Variants in WWOX observed in about 807,000 individuals in gnomAD.
WWOX encodes WW domain-containing oxidoreductase.
WWOX carries 69 observed loss-of-function variants against 46.2 expected under a neutral mutation model. That is an observed-to-expected ratio of 1.49 (90% CI 1.23 to 1.82). WWOX has a LOEUF of 1.82. Among genes scored for constraint, WWOX ranks in the 40% most tolerant of loss-of-function variants. WWOX has a pLI of 0.00. For synonymous variants in WWOX, 359 were observed against 202.6 expected, an observed-to-expected ratio of 1.77 and a Z score of -6.56; for missense variants, 919 against 542.6, an observed-to-expected ratio of 1.69 and a Z score of -6.89.
intron 5 of WWOX, among the ~76,000 whole-genome samples, chr16:78,386,317 C>T (rs1315488781): frequency 6.6e-6 from 1 of 152,180 alleles, no homozygotes; most frequent in Non-Finnish European, 1.5e-5. Flanking sequence ...TCTGGGTTTA[C>T]TAAGCCAGGG....
chr16:78,343,219 G>C lies in WWOX; in HGVS notation c.517-43641G>C, dbSNP rs555817818. On this transcript the variant is annotated intron_variant, in intron 5 of 8. Coordinates refer to ENST00000566780, the MANE Select transcript of WWOX (RefSeq NM_016373.4). ...CTCAGCAGTGTCCCCGATGTGGAGG[G>C]TCTTCTTATTCTGTGTGTGTGCCCT... 4.2e-4 allele frequency among the ~76,000 whole-genome samples: 50 copies of C among 120,020 alleles called. 14 individuals carry two copies. Among genetic ancestry groups the C allele is most frequent in the Non-Finnish European group, 7.0e-4 (35 of 50,350 alleles). 78.7% of individuals were successfully genotyped at this position (120,020 alleles called of 152,430 possible). A position where few individuals can be genotyped will look rare whatever the true frequency, so the allele number is the denominator to read the frequency against.
At chr16:78,996,585 G>T (rs1224039847) in intron 8 of WWOX, among the ~76,000 whole-genome samples, 1 of 152,006 alleles carries the variant, frequency 6.6e-6, no homozygotes, top group African/African-American at 2.4e-5. Context: ...GTGAGAGATG[G>T]TGGTCAGTTT....
intron 8 of WWOX, among the ~76,000 whole-genome samples, chr16:78,841,753 A>G (rs906573711): frequency 4.6e-5 from 7 of 152,128 alleles, no homozygotes; most frequent in Admixed American, 3.9e-4. Flanking sequence ...AATGTGTACT[A>G]TTTTATTGTC....
intron 8 of WWOX, among the ~76,000 whole-genome samples, chr16:78,980,294 T>G (rs924681676): frequency 6.6e-6 from 1 of 152,218 alleles, no homozygotes; most frequent in Non-Finnish European, 1.5e-5. Context: ...TAAGGTAGTT[T>G]GCCAAAGATG....
At chr16:78,433,404 T>C (rs1235732835) in intron 8 of WWOX, among the ~76,000 whole-genome samples, 5 of 152,230 alleles carry the variant, frequency 3.3e-5, no homozygotes, top group African/African-American at 1.2e-4. Flanking sequence ...CCTTCTTCTA[T>C]GAAATGGTTT....
At chr16:78,395,181 T>A (rs1197173144) in intron 6 of WWOX, among the ~76,000 whole-genome samples, 1 of 152,130 alleles carries the variant, frequency 6.6e-6, no homozygotes, top group Non-Finnish European at 1.5e-5. Flanking sequence ...GAAAAGGGGA[T>A]GTTGTGCTCA....
At chr16:78,403,579 T>C (rs968515332) in intron 6 of WWOX, among the ~76,000 whole-genome samples, 6 of 152,166 alleles carry the variant, frequency 3.9e-5, no homozygotes, top group African/African-American at 1.4e-4. Flanking sequence ...GGTAAAATGC[T>C]TTGAGGGTTG....
chr16:78,788,484 C>G (rs979401204), intron 8 of WWOX, among the ~76,000 whole-genome samples: 1 of 152,176 alleles, frequency 6.6e-6, no homozygotes, highest in African/African-American at 2.4e-5. Flanking sequence ...GAATGCTGAC[C>G]TCATGAAGCT....
At chr16:79,118,953 T>G (rs1283568243) in intron 8 of WWOX, among the ~76,000 whole-genome samples, 1 of 152,226 alleles carries the variant, frequency 6.6e-6, no homozygotes, top group Non-Finnish European at 1.5e-5. Flanking sequence ...TTAAATACTT[T>G]TGGTGTCATA....
intron 8 of WWOX, among the ~76,000 whole-genome samples, chr16:78,960,556 C>G (rs181535558): frequency 6.6e-6 from 1 of 152,322 alleles, no homozygotes; most frequent in East Asian, 1.9e-4. Context: ...CACAAGAGAG[C>G]AGGTATTTAT....
At chr16:79,066,700 G>A (rs767766553) in intron 8 of WWOX, among the ~76,000 whole-genome samples, 2 of 152,214 alleles carry the variant, frequency 1.3e-5, no homozygotes, top group African/African-American at 4.8e-5. Flanking sequence ...CTCAGGCTCT[G>A]TGCCATGAGA....
intron 5 of WWOX, among the ~76,000 whole-genome samples, chr16:78,340,292 G>A (rs1210503361): frequency 8.6e-6 from 1 of 116,348 alleles, no homozygotes; most frequent in African/African-American, 2.9e-5. Context: ...CACCTCCCAG[G>A]TTCAAGTGAC....
intron 8 of WWOX, among the ~76,000 whole-genome samples, chr16:78,989,245 G>A (rs547536882): frequency 3.9e-5 from 6 of 152,160 alleles, no homozygotes; most frequent in African/African-American, 1.4e-4. Flanking sequence ...CTCTTCGGGT[G>A]GTTCTAAGAA....
intron 8 of WWOX, among the ~76,000 whole-genome samples, chr16:79,135,184 C>G (rs946056752): frequency 3.9e-5 from 6 of 151,938 alleles, no homozygotes; most frequent in African/African-American, 1.4e-4. Flanking sequence ...GTATTGTTAA[C>G]CTTGCTAGAA....
At chr16:78,626,732 G>A (rs997447898) in intron 8 of WWOX, among the ~76,000 whole-genome samples, 4 of 152,162 alleles carry the variant, frequency 2.6e-5, no homozygotes, top group Admixed American at 2.6e-4. Context: ...TTCGAGGGTA[G>A]AGTATCTGCA....
At chr16:78,719,120 G>A (rs2048635667) in intron 8 of WWOX, among the ~76,000 whole-genome samples, 1 of 152,192 alleles carries the variant, frequency 6.6e-6, no homozygotes, top group Admixed American at 6.5e-5. Context: ...TCAAATCCAA[G>A]CCCATCATGT....
intron 5 of WWOX, among the ~76,000 whole-genome samples, chr16:78,215,443 A>T (rs2036688538): frequency 6.6e-6 from 1 of 152,076 alleles, no homozygotes; most frequent in African/African-American, 2.4e-5. Flanking sequence ...TAGTTTTATA[A>T]ATGGAAGTTT....
At chr16:78,247,132 T>C (rs1424988847) in intron 5 of WWOX, among the ~76,000 whole-genome samples, 1 of 152,198 alleles carries the variant, frequency 6.6e-6, no homozygotes, top group African/African-American at 2.4e-5. Flanking sequence ...GCCCCCTTTT[T>C]TTCAGCCCTT....
chr16:78,820,695 G>A (rs1313821324), intron 8 of WWOX, among the ~76,000 whole-genome samples: 1 of 152,154 alleles, frequency 6.6e-6, no homozygotes, highest in African/African-American at 2.4e-5. Context: ...TCCTGGGCCT[G>A]CCATAACAAA....
Sources: allele counts gnomAD v4.1 joint callset (sites outside exome capture counted in the v4.1 genomes callset), GRCh38; gene constraint gnomAD v4.1.1; transcripts MANE v1.5; gene names NCBI Gene and HGNC (gene_info 2026-07-23, HGNC 2026-07-21).